Variants in RSRC1 observed in about 807,000 individuals in gnomAD.
RSRC1 encodes the protein serine/Arginine-related protein 53.
RSRC1 carries 39 observed loss-of-function variants against 49.1 expected under a neutral mutation model. The ratio of observed to expected loss-of-function variants is 0.79; its 90% CI spans 0.61 to 1.04. The LOEUF (loss-of-function observed/expected upper bound fraction) is 1.04. RSRC1 is among the 50% of genes least tolerant of loss of function. The probability of loss-of-function intolerance (pLI) is 0.00; values close to 1 mark genes in which losing one functional copy is unlikely to be tolerated. For missense variants in RSRC1, 388 were observed against 402.4 expected, an observed-to-expected ratio of 0.96 and a Z score of 0.31; for synonymous variants, 143 against 130.8, an observed-to-expected ratio of 1.09 and a Z score of -0.63.
intron 4 of RSRC1, among the ~76,000 whole-genome samples, chr3:158,209,307 C>G (rs1024763538): frequency 2.0e-5 from 3 of 152,032 alleles, no homozygotes; most frequent in Non-Finnish European, 4.4e-5. Context: ...TCTTATAAGG[C>G]TTCCCCCTCC....
At chr3:158,238,526 C>T (rs1723371988) in intron 4 of RSRC1, among the ~76,000 whole-genome samples, 1 of 152,078 alleles carries the variant, frequency 6.6e-6, no homozygotes, top group South Asian at 2.1e-4. Context: ...GAGATATAGA[C>T]CAATGGAGCA....
At chr3:158,253,669 A>C (rs1407133306) in intron 4 of RSRC1, among the ~76,000 whole-genome samples, 2 of 152,010 alleles carry the variant, frequency 1.3e-5, no homozygotes, top group African/African-American at 2.4e-5. Flanking sequence ...GGGTGTTAAA[A>C]TCTCCGGCTA....
chr3:158,377,643 C>A (rs192901820), intron 6 of RSRC1, among the ~76,000 whole-genome samples: 10 of 151,996 alleles, frequency 6.6e-5, no homozygotes, highest in African/African-American at 2.4e-4. Flanking sequence ...ACAAATTACC[C>A]AGTCTCCGAT....
chr3:158,403,956 CAATA>C (rs1313000166), intron 6 of RSRC1, among the ~76,000 whole-genome samples: 1 of 151,652 alleles, frequency 6.6e-6, no homozygotes, highest in Non-Finnish European at 1.5e-5. Flanking sequence ...TGAATTTTGT[CAATA>C]AATGTCAACC....
At chr3:158,115,477 C>CATTGTTGAG (rs774938147) in intron 1 of RSRC1, among the ~76,000 whole-genome samples, 13 of 152,092 alleles carry the variant, frequency 8.5e-5, no homozygotes, top group Middle Eastern at 3.2e-3. Context: ...CACTCTGAAA[C>CATTGTTGAG]ATTGTTGAGG....
chr3:158,345,920 T>TA (rs764830787), intron 5 of RSRC1, among the ~76,000 whole-genome samples: 12 of 151,264 alleles, frequency 7.9e-5, no homozygotes, highest in Non-Finnish European at 1.6e-4. Flanking sequence ...GGAAAAAAGA[T>TA]AGTCTTTTCC....
At chr3:158,177,567 T>G (rs1176607668) in intron 3 of RSRC1, among the ~76,000 whole-genome samples, 2 of 151,334 alleles carry the variant, frequency 1.3e-5, no homozygotes, top group African/African-American at 4.9e-5. Flanking sequence ...CCGTATATTC[T>G]CACTCATAGT....
At chr3:158,312,528 G>T (rs1025664926) in intron 5 of RSRC1, among the ~76,000 whole-genome samples, 1 of 152,126 alleles carries the variant, frequency 6.6e-6, no homozygotes, top group Non-Finnish European at 1.5e-5. Flanking sequence ...TGTAATTCTT[G>T]TAAATTATAA....
intron 6 of RSRC1, among the ~76,000 whole-genome samples, chr3:158,439,723 T>G (rs1736271684): frequency 6.6e-6 from 1 of 152,064 alleles, no homozygotes. Context: ...AAATGTTGAG[T>G]TGATGGGTGC....
At chr3:158,155,181 T>C (rs6805748) in intron 3 of RSRC1, among the ~76,000 whole-genome samples, 5,705 of 152,268 alleles carry the variant, frequency 0.037, 359 homozygotes, top group African/African-American at 0.13. Context: ...TAATGGCATC[T>C]AGAATGGTGA....
At chr3:158,512,821 G>A (rs1176252585) in intron 7 of RSRC1, among the ~76,000 whole-genome samples, 132 of 151,230 alleles carry the variant, frequency 8.7e-4, no homozygotes, top group African/African-American at 3.2e-3. Flanking sequence ...TCCTTGAAGA[G>A]GTCCTTCACA....
intron 4 of RSRC1, among the ~76,000 whole-genome samples, chr3:158,290,494 C>T (rs922683434): frequency 1.3e-5 from 2 of 152,048 alleles, no homozygotes; most frequent in Non-Finnish European, 2.9e-5. Flanking sequence ...CCAGGATGGT[C>T]TCGATTTCCT....
At chr3:158,390,133 C>G (rs559901397) in intron 6 of RSRC1, among the ~76,000 whole-genome samples, 1 of 152,286 alleles carries the variant, frequency 6.6e-6, no homozygotes, top group South Asian at 2.1e-4. Context: ...ATTCCCTCTT[C>G]TTTGAACTCC....
chr3:158,254,531 A>T (rs996401979), intron 4 of RSRC1, among the ~76,000 whole-genome samples: 6 of 151,870 alleles, frequency 4.0e-5, no homozygotes, highest in African/African-American at 1.5e-4. Flanking sequence ...TCCTGGGTTC[A>T]CGCCATTCTC....
chr3:158,542,834 C>T (rs572706984), intron 8 of RSRC1, among the ~76,000 whole-genome samples: 5 of 152,206 alleles, frequency 3.3e-5, no homozygotes, highest in African/African-American at 1.2e-4. Context: ...AATTCTATAA[C>T]TCAATAAGGC....
chr3:158,472,601 A>G (rs1482904296), intron 7 of RSRC1, among the ~76,000 whole-genome samples: 3 of 152,156 alleles, frequency 2.0e-5, no homozygotes, highest in East Asian at 1.9e-4. Flanking sequence ...AATCACTCTC[A>G]TACTGTAAAT....
intron 4 of RSRC1, among the ~76,000 whole-genome samples, chr3:158,286,518 A>G (rs1254317691): frequency 6.6e-6 from 1 of 152,202 alleles, no homozygotes; most frequent in Non-Finnish European, 1.5e-5. Context: ...AAATACTATG[A>G]AAATTTAAGT....
chr3:158,437,187 A>T (rs1044007428), intron 6 of RSRC1, among the ~76,000 whole-genome samples: 7 of 151,456 alleles, frequency 4.6e-5, no homozygotes, highest in African/African-American at 1.7e-4. Context: ...GTAGTGTGTT[A>T]TATGTAACCA....
intron 3 of RSRC1, among the ~76,000 whole-genome samples, chr3:158,125,090 A>G (rs556708854): frequency 1.3e-5 from 2 of 152,158 alleles, no homozygotes; most frequent in East Asian, 1.9e-4. Context: ...AAGTGCTGGC[A>G]TTATAGGTAT....
Sources: gnomAD v4.1 joint callset for allele counts (sites outside exome capture counted in the v4.1 genomes callset) on GRCh38, gnomAD v4.1.1 for gene constraint, MANE v1.5 for transcripts, NCBI Gene and HGNC (gene_info 2026-07-23, HGNC 2026-07-21) for gene names.